DPP10: variants seen among roughly 807,000 people sequenced by gnomAD.
The protein encoded by DPP10 is dipeptidyl peptidase like 10, also known as inactive dipeptidyl peptidase 10.
Under a neutral mutation model 120.9 loss-of-function variants are expected in DPP10, and 33 were observed. That is an observed-to-expected ratio of 0.27 (90% CI 0.21 to 0.37). DPP10 has a LOEUF of 0.37. DPP10 is among the 10% of genes least tolerant of loss of function. The pLI is 1.00. For synonymous variants in DPP10, 337 were observed against 326.1 expected, an observed-to-expected ratio of 1.03 and a Z score of -0.36; for missense variants, 816 against 942.8, an observed-to-expected ratio of 0.87 and a Z score of 1.76.
intron 1 of DPP10, among the ~76,000 whole-genome samples, chr2:114,820,583 G>A (rs906883485): frequency 2.6e-5 from 4 of 152,168 alleles, no homozygotes; most frequent in Non-Finnish European, 4.4e-5. Context: ...GGCTGGGGAG[G>A]CCTCAGGAAA....
At chr2:114,798,481 GA>G (rs398039774) in intron 1 of DPP10, among the ~76,000 whole-genome samples, 4 of 131,868 alleles carry the variant, frequency 3.0e-5, no homozygotes, top group East Asian at 2.0e-4. Context: ...GTAAGTGACA[GA>G]AAAAAAAATC....
chr2:115,141,497 T>C (rs907724787), intron 1 of DPP10, among the ~76,000 whole-genome samples: 4 of 152,214 alleles, frequency 2.6e-5, no homozygotes, highest in African/African-American at 4.8e-5. Context: ...GGATAGAGCA[T>C]GGAATTTGCC....
chr2:114,783,135 A>G (rs1682476537), intron 1 of DPP10, among the ~76,000 whole-genome samples: 1 of 152,184 alleles, frequency 6.6e-6, no homozygotes, highest in Admixed American at 6.5e-5. Flanking sequence ...GATATAGTAT[A>G]AAAGCTAAAT....
chr2:115,091,432 A>T (rs752959228), intron 1 of DPP10, among the ~76,000 whole-genome samples: 35 of 152,266 alleles, frequency 2.3e-4, no homozygotes, highest in Non-Finnish European at 4.3e-4. Context: ...TCCAAATTTG[A>T]GTATGTGATG....
chr2:114,869,170 G>A (rs1244387629), intron 1 of DPP10, among the ~76,000 whole-genome samples: 3 of 152,162 alleles, frequency 2.0e-5, no homozygotes, highest in South Asian at 4.1e-4. Flanking sequence ...ATTAGTTTCA[G>A]CCATTACGAA....
chr2:114,602,120 G>A (rs573578057), intron 1 of DPP10, among the ~76,000 whole-genome samples: 7 of 151,754 alleles, frequency 4.6e-5, no homozygotes, highest in Non-Finnish European at 1.0e-4. Flanking sequence ...TATTTTCATA[G>A]GAAAATACCA....
intron 1 of DPP10, among the ~76,000 whole-genome samples, chr2:114,939,017 T>C (rs1036646234): frequency 2.0e-5 from 3 of 152,142 alleles, no homozygotes; most frequent in African/African-American, 7.2e-5. Flanking sequence ...TTTCCCATAC[T>C]TATGAGTGTG....
Position 114,785,710 on chromosome 2 carries a change from C to T in DPP10, c.60+342872C>T, listed in dbSNP as rs113951755. Among the ~76,000 whole-genome samples the T allele has an allele frequency of 5.4e-3, 820 of 152,248 alleles. 5 individuals carry two copies. Among genetic ancestry groups the T allele is most frequent in the South Asian group, 5.8e-3 (28 of 4,818 alleles). ...TTTAACAATGAATATAATGTAGCCC[C>T]ACCCTGGAAACAGACAGTCTAAGGG... On this transcript the variant is annotated intron_variant, in intron 1 of 25. Transcript: ENST00000410059.
intron 1 of DPP10, among the ~76,000 whole-genome samples, chr2:115,291,815 C>T (rs1420880421): frequency 2.6e-5 from 4 of 152,108 alleles, no homozygotes; most frequent in African/African-American, 4.8e-5. Flanking sequence ...TACCAAGGCT[C>T]GGGTGGCTGC....
chr2:115,073,682 G>A (rs1707555714), intron 1 of DPP10, among the ~76,000 whole-genome samples: 1 of 152,196 alleles, frequency 6.6e-6, no homozygotes, highest in Admixed American at 6.5e-5. Context: ...TTACTACTGA[G>A]ATACTTAGGT....
chr2:114,988,034 G>C (rs569101208), intron 1 of DPP10, among the ~76,000 whole-genome samples: 1 of 151,900 alleles, frequency 6.6e-6, no homozygotes, highest in Admixed American at 6.6e-5. Context: ...TCGATCTCCT[G>C]ACCTCGTGAT....
intron 2 of DPP10, among the ~76,000 whole-genome samples, chr2:115,332,520 G>A (rs1338067562): frequency 6.6e-6 from 1 of 152,056 alleles, no homozygotes; most frequent in East Asian, 1.9e-4. Flanking sequence ...TGTTGTTAGG[G>A]TGTCTATTTT....
chr2:115,355,495 A>G (rs972833608), intron 3 of DPP10, among the ~76,000 whole-genome samples: 8 of 152,052 alleles, frequency 5.3e-5, no homozygotes, highest in Non-Finnish European at 1.2e-4. Flanking sequence ...ATTGTCTCCC[A>G]TTTTGAAGGT....
intron 21 of DPP10, among the ~76,000 whole-genome samples, chr2:115,835,032 GCCCAGGGGGCGGAGTTTGCAGTGAA>G (rs1388930472): frequency 6.6e-5 from 10 of 151,674 alleles, no homozygotes; most frequent in East Asian, 5.8e-4. Context: ...CTTGCAGTGA[GCCCAGGGGGCGGAGTTTGCAGTGAA>G]CCCAGGGGGC....
intron 1 of DPP10, among the ~76,000 whole-genome samples, chr2:114,690,403 T>G (rs1175569397): frequency 6.6e-6 from 1 of 151,928 alleles, no homozygotes; most frequent in Non-Finnish European, 1.5e-5. Context: ...AGGTGTGCAG[T>G]CTTATTTCTG....
intron 3 of DPP10, among the ~76,000 whole-genome samples, chr2:115,385,789 T>C (rs896996945): frequency 2.6e-5 from 4 of 152,242 alleles, no homozygotes; most frequent in Non-Finnish European, 5.9e-5. Context: ...AAAAATTTGG[T>C]AAGCTTTTAT....
chr2:115,603,082 G>A (rs2083434883), intron 5 of DPP10, among the ~76,000 whole-genome samples: 2 of 151,334 alleles, frequency 1.3e-5, no homozygotes. Context: ...CTTTATCCTT[G>A]TCAACATGCT....
At chr2:115,103,348 C>T (rs753897759) in intron 1 of DPP10, among the ~76,000 whole-genome samples, 2 of 152,110 alleles carry the variant, frequency 1.3e-5, no homozygotes, top group Non-Finnish European at 2.9e-5. Context: ...CCACCACGCC[C>T]GGCTAATTTT....
At chr2:114,995,060 A>G (rs1263496045) in intron 1 of DPP10, among the ~76,000 whole-genome samples, 1 of 152,166 alleles carries the variant, frequency 6.6e-6, no homozygotes, top group Non-Finnish European at 1.5e-5. Context: ...AGCAAACGTG[A>G]AGTAAGCAGG....
Sources: gnomAD v4.1 joint callset for allele counts (sites outside exome capture counted in the v4.1 genomes callset) on GRCh38, gnomAD v4.1.1 for gene constraint, MANE v1.5 for transcripts, NCBI Gene and HGNC (gene_info 2026-07-23, HGNC 2026-07-21) for gene names.